The following SAMD13 variants were observed in gnomAD, a reference collection of about 807,000 sequenced individuals.
SAMD13 encodes the protein sterile alpha motif domain containing 13, also known as sterile alpha motif domain-containing protein 13.
In SAMD13, 9 loss-of-function variants were observed where a neutral mutation model predicts 12.4. The observed-to-expected ratio is 0.72, with a 90% CI of 0.44 to 1.26. The LOEUF is 1.26. Among genes scored for constraint, SAMD13 ranks in the 50% most tolerant of loss-of-function variants. The probability of loss-of-function intolerance (pLI) is 0.00; values close to 1 mark genes in which losing one functional copy is unlikely to be tolerated. For synonymous variants in SAMD13, 46 were observed against 45.4 expected, an observed-to-expected ratio of 1.01 and a Z score of -0.05; for missense variants, 84 against 119.6, an observed-to-expected ratio of 0.70 and a Z score of 1.39.
chr1:84,310,177 A>T (rs1349482122), intron 2 of SAMD13, among the ~76,000 whole-genome samples: 1 of 152,128 alleles, frequency 6.6e-6, no homozygotes, highest in African/African-American at 2.4e-5. Context: ...TATCACTTAA[A>T]CATGTAATCA....
intron 1 of SAMD13, 55 bp downstream of exon 1, chr1:84,301,856 G>A (rs1435446235): frequency 1.3e-6 from 1 of 760,134 alleles, no homozygotes; most frequent in Non-Finnish European, 1.6e-6. Flanking sequence ...ATAATAATAA[G>A]ACAATGTAGT....
At chr1:84,298,927 A>G (rs1678377424), upstream of SAMD13, among the ~76,000 whole-genome samples, 1 of 151,898 alleles carries the variant, frequency 6.6e-6, no homozygotes, top group Non-Finnish European at 1.5e-5. Flanking sequence ...CCCCACACTA[A>G]ACGCCAGCGA....
At chr1:84,335,398 T>C (rs778145216) in intron 3 of SAMD13, among the ~76,000 whole-genome samples, 2 of 152,148 alleles carry the variant, frequency 1.3e-5, no homozygotes, top group Non-Finnish European at 2.9e-5. Context: ...TTTGTTAGGT[T>C]GATTTTTCAT....
chr1:84,309,004 T>C (rs1678647542), intron 2 of SAMD13, among the ~76,000 whole-genome samples: 1 of 152,218 alleles, frequency 6.6e-6, no homozygotes, highest in African/African-American at 2.4e-5. Context: ...TCTCTCTGCG[T>C]CAGTTCTCTT....
In SAMD13 at chr1:84,349,841, A is replaced by G. The variant is rs1300311906; in HGVS notation, c.*67A>G. Reference sequence around the variant, plus strand: ...GACATAATTTAGTTTCATGTAATGAAACTTTGTAAACAGAATACATACATG... The same window carrying G: ...GACATAATTTAGTTTCATGTAATGAGACTTTGTAAACAGAATACATACATG... On this transcript the variant is annotated 3_prime_UTR_variant, in exon 4 of 4. Transcript: ENST00000394834. 2.6e-6 allele frequency: 4 copies of G among 1,554,814 alleles called. No homozygotes were observed. Among genetic ancestry groups the G allele is most frequent in the Non-Finnish European group, 2.6e-6 (3 of 1,153,524 alleles).
chr1:84,322,651 G>C (rs1360553452), intron 2 of SAMD13, among the ~76,000 whole-genome samples: 1 of 152,036 alleles, frequency 6.6e-6, no homozygotes, highest in Non-Finnish European at 1.5e-5. Flanking sequence ...TTTGGCTTTG[G>C]GGGGATATCA....
intron 3 of SAMD13, among the ~76,000 whole-genome samples, chr1:84,348,219 G>C (rs745680556): frequency 6.6e-6 from 1 of 152,190 alleles, no homozygotes; most frequent in Non-Finnish European, 1.5e-5. Context: ...GGAGGAAAGA[G>C]AAGAGAAGGG....
intron 2 of SAMD13, among the ~76,000 whole-genome samples, chr1:84,317,001 A>C (rs1678848458): frequency 3.3e-5 from 5 of 152,190 alleles, no homozygotes; most frequent in African/African-American, 1.2e-4. Flanking sequence ...CTTTGCAGAT[A>C]GTTCATTATC....
At chr1:84,338,821 G>A (rs1182969166) in intron 3 of SAMD13, among the ~76,000 whole-genome samples, 1 of 152,074 alleles carries the variant, frequency 6.6e-6, no homozygotes, top group Non-Finnish European at 1.5e-5. Context: ...CTGCCCCCAT[G>A]ATTAGATTAC....
chr1:84,320,307 A>T (rs1183840150), intron 2 of SAMD13, among the ~76,000 whole-genome samples: 1 of 152,218 alleles, frequency 6.6e-6, no homozygotes, highest in Admixed American at 6.5e-5. Flanking sequence ...CTGAACTCTA[A>T]GCTAAAGAAT....
At chr1:84,305,347 T>C (rs949769059) in intron 2 of SAMD13, among the ~76,000 whole-genome samples, 8 of 152,172 alleles carry the variant, frequency 5.3e-5, no homozygotes, top group African/African-American at 1.7e-4. Flanking sequence ...CATATTTGTA[T>C]CGGGTTTTTT....
chr1:84,346,338 A>G (rs752465799), intron 3 of SAMD13, among the ~76,000 whole-genome samples: 9 of 152,228 alleles, frequency 5.9e-5, no homozygotes, highest in Non-Finnish European at 1.2e-4. Context: ...ATGCATGAGT[A>G]CTTGCTGGAA....
chr1:84,343,799 A>G (rs1015709588), intron 3 of SAMD13, among the ~76,000 whole-genome samples: 5 of 152,202 alleles, frequency 3.3e-5, no homozygotes, highest in Admixed American at 2.6e-4. Context: ...ACAAACCACC[A>G]TGGCACACAT....
chr1:84,331,790 T>A (rs1431310933), intron 3 of SAMD13, among the ~76,000 whole-genome samples: 6 of 152,064 alleles, frequency 3.9e-5, no homozygotes, highest in Non-Finnish European at 8.8e-5. Flanking sequence ...GTTATATAGG[T>A]AAATTGTGTG....
chr1:84,348,390 G>A (rs145081396), intron 3 of SAMD13, among the ~76,000 whole-genome samples: 1 of 152,232 alleles, frequency 6.6e-6, no homozygotes, highest in East Asian at 1.9e-4. Context: ...GAGGGAGTCC[G>A]TTTTACGTAG....
At chr1:84,312,228 A>T (rs1244329319) in intron 2 of SAMD13, among the ~76,000 whole-genome samples, 6 of 152,062 alleles carry the variant, frequency 3.9e-5, no homozygotes, top group Non-Finnish European at 7.4e-5. Context: ...AAATCATATT[A>T]TCTTTACCTT....
intron 2 of SAMD13, among the ~76,000 whole-genome samples, chr1:84,307,909 T>G (rs1035682218): frequency 2.6e-5 from 4 of 152,192 alleles, no homozygotes; most frequent in Admixed American, 2.6e-4. Flanking sequence ...CCTCTAAACC[T>G]TCAAGGTTTG....
chr1:84,298,576 T>G, upstream of SAMD13: 1 of 1,284,554 alleles, frequency 7.8e-7, no homozygotes, highest in Non-Finnish European at 9.9e-7. Context: ...AGGTAAGTGA[T>G]CTGCCTGTGC....
intron 1 of SAMD13, 74 bp from the exon 2 acceptor site, chr1:84,303,129 T>C: frequency 1.7e-6 from 2 of 1,154,098 alleles, no homozygotes; most frequent in Non-Finnish European, 2.6e-6. Context: ...GACCATTATG[T>C]TTCCGATTCA....
Sources: gnomAD v4.1 joint callset for allele counts (sites outside exome capture counted in the v4.1 genomes callset) on GRCh38, gnomAD v4.1.1 for gene constraint, MANE v1.5 for transcripts, NCBI Gene and HGNC (gene_info 2026-07-23, HGNC 2026-07-21) for gene names.